Variants in UTP4 observed in about 807,000 individuals in gnomAD.
UTP4 encodes the protein U3 small nucleolar RNA-associated protein 4 homolog.
A neutral mutation model predicts 82.4 loss-of-function variants in UTP4; 45 were observed. That is an observed-to-expected ratio of 0.55 (90% CI 0.43 to 0.70). UTP4 has a LOEUF of 0.70. Among genes scored for constraint, UTP4 ranks in the 30% least tolerant of loss-of-function variants. The probability of loss-of-function intolerance (pLI) is 0.00; values close to 1 mark genes in which losing one functional copy is unlikely to be tolerated. For missense variants in UTP4, 819 were observed against 858.3 expected (o/e 0.95, Z 0.57); for synonymous variants, 348 against 300.3 (o/e 1.16, Z -1.64).
At chr16:69,168,433 C>CTCA (rs1963756060) in intron 16 of UTP4, among the ~76,000 whole-genome samples, 1 of 51,606 alleles carries the variant, frequency 1.9e-5, no homozygotes, top group African/African-American at 7.2e-5. Context: ...GAGACTGTCT[C>CTCA]AAAAAAAAAA....
At chr16:69,162,955 T>C (rs1401164205) in intron 13 of UTP4, 128 bp from the exon 14 acceptor site, 2 of 777,746 alleles carry the variant, frequency 2.6e-6, no homozygotes, top group East Asian at 4.9e-5. Context: ...CCTGAAATTT[T>C]TGGAACTTCC....
At chr16:69,133,169 T>A (rs1427505801) in intron 1 of UTP4, among the ~76,000 whole-genome samples, 2 of 152,104 alleles carry the variant, frequency 1.3e-5, no homozygotes, top group Non-Finnish European at 2.9e-5. Context: ...TGAGGAGAGA[T>A]GCTTGCTAAA....
intron 6 of UTP4, among the ~76,000 whole-genome samples, chr16:69,143,990 C>T (rs537897404): frequency 4.7e-5 from 7 of 150,508 alleles, no homozygotes; most frequent in South Asian, 2.1e-4. Flanking sequence ...CAGGTTCAAG[C>T]GATTCTTCTG....
rs746545988 is a variant in UTP4 at position 69,136,779 on chromosome 16, C to T, written c.243C>T (p.Gly81=). The T allele has an allele frequency of 8.1e-6, 13 of 1,613,794 alleles. No individual in the cohort carries two copies. Among genetic ancestry groups the T allele is most frequent in the South Asian group, 1.1e-5 (1 of 91,052 alleles). Residue 81 remains glycine (G), a synonymous_variant, in exon 3 of 17, where the codon GGC becomes GGT. Coordinates refer to ENST00000314423, the MANE Select transcript of UTP4 (RefSeq NM_032830.3). ...GQRLFSAGLN[G]EIMEYDLQAL... The stretch of plus-strand genomic sequence containing the variant: ...GACTCTTTAGTGCTGGGCTCAATGG[C>T]GAGATTATGGAGTATGATTTACAGG...
chr16:69,149,108 C>T (rs1476506042), intron 6 of UTP4, among the ~76,000 whole-genome samples: 4 of 151,698 alleles, frequency 2.6e-5, no homozygotes, highest in Admixed American at 6.6e-5. Context: ...AGCCTGGGCA[C>T]GGTGACTCAC....
intron 5 of UTP4, among the ~76,000 whole-genome samples, chr16:69,140,917 C>A (rs1567601586): frequency 6.6e-6 from 1 of 152,146 alleles, no homozygotes; most frequent in Non-Finnish European, 1.5e-5. Context: ...CCTCCCGATC[C>A]TCCCAGTATG....
intron 4 of UTP4, 166 bp from the exon 5 acceptor site, chr16:69,139,659 T>TA (rs1186680010): frequency 4.3e-6 from 1 of 233,860 alleles, no homozygotes; most frequent in African/African-American, 2.3e-5. Context: ...AATAAATAAA[T>TA]AAATAAATAA....
intron 5 of UTP4, 58 bp from the exon 6 acceptor site, chr16:69,143,120 A>G: frequency 6.3e-7 from 1 of 1,575,072 alleles, no homozygotes; most frequent in Non-Finnish European, 8.7e-7. Flanking sequence ...GGCCGCAGGC[A>G]GATTTTGAAG....
chr16:69,137,264 A>G (rs1174753222), intron 3 of UTP4, among the ~76,000 whole-genome samples: 1 of 152,214 alleles, frequency 6.6e-6, no homozygotes, highest in East Asian at 1.9e-4. Context: ...AAGAGTTCTG[A>G]GAGTCCCTTC....
intron 6 of UTP4, among the ~76,000 whole-genome samples, chr16:69,144,086 C>G (rs1392245314): frequency 6.6e-6 from 1 of 151,932 alleles, no homozygotes; most frequent in South Asian, 2.1e-4. Context: ...TGGGGTTTCA[C>G]CATGTTGGGC....
At chr16:69,163,943 T>TGGTGCGAA (rs1239599450) in intron 14 of UTP4, among the ~76,000 whole-genome samples, 1 of 147,282 alleles carries the variant, frequency 6.8e-6, no homozygotes, top group African/African-American at 2.6e-5. Context: ...TGGAGTGCAG[T>TGGTGCGAA]GGTGCGATCT....
chr16:69,157,315 G>GAGGGAACCCCCGACA, intron 12 of UTP4, 75 bp downstream of exon 12: 1 of 1,473,664 alleles, frequency 6.8e-7, no homozygotes, highest in Non-Finnish European at 9.3e-7. Flanking sequence ...AAGCCTCCAT[G>GAGGGAACCCCCGACA]TCGGGGGTTC....
chr16:69,165,084 A>G (rs527575850), intron 14 of UTP4, among the ~76,000 whole-genome samples: 120 of 151,866 alleles, frequency 7.9e-4, no homozygotes, highest in South Asian at 6.0e-3. Context: ...AGTCCCAGCT[A>G]TTTGGGAGGC....
rs146390874 is a variant in UTP4, at chr16:69,155,175, T to C, written c.1165-696T>C. Among the ~76,000 whole-genome samples the C allele has an allele frequency of 3.4e-3, 519 of 152,342 alleles. 4 individuals are homozygous for C. Among genetic ancestry groups the C allele is most frequent in the African/African-American group, 0.012 (489 of 41,586 alleles). On this transcript the variant is annotated intron_variant, in intron 10 of 16. Transcript: ENST00000314423. ...TGGTTAGTTGGTTGGTTTTTTTGTTTGTTTGCTTACTTTTTTGAGGCAGGG... is the reference window on the plus strand; with the variant it reads ...TGGTTAGTTGGTTGGTTTTTTTGTTCGTTTGCTTACTTTTTTGAGGCAGGG...
Position 69,146,150 on chromosome 16 carries a change from A to G in UTP4, c.738+2761A>G, listed in dbSNP as rs566009559. On this transcript the variant is annotated intron_variant, in intron 6 of 16. Coordinates refer to ENST00000314423, the MANE Select transcript of UTP4 (RefSeq NM_032830.3). Reference sequence around the variant, plus strand: ...TCCAAACTTTAGTCTTTTTACCATTAGTTTTGTAATTCTCCCCACATTATT... The same window carrying G: ...TCCAAACTTTAGTCTTTTTACCATTGGTTTTGTAATTCTCCCCACATTATT... Among the ~76,000 whole-genome samples, 4 of 151,982 alleles carry G rather than the reference A, an allele frequency of 2.6e-5. No individual in the cohort carries two copies. The South Asian group carries it at 8.3e-4, about 32-fold the overall frequency.
At chr16:69,156,100 C>A in intron 11 of UTP4, 107 bp downstream of exon 11, 2 of 1,103,272 alleles carry the variant, frequency 1.8e-6, no homozygotes, top group Non-Finnish European at 2.7e-6. Flanking sequence ...CAGTTAAAAA[C>A]TATTTGGAGA....
At chr16:69,143,039 G>A (rs1030510424) in intron 5 of UTP4, 139 bp from the exon 6 acceptor site, 17 of 821,614 alleles carry the variant, frequency 2.1e-5, no homozygotes, top group Middle Eastern at 2.4e-4. Context: ...ATGTTGTTTC[G>A]TAGAGATGAG....
chr16:69,133,586 T>C lies in UTP4; in HGVS notation c.127T>C (p.Tyr43His). 1 of 1,614,186 alleles carries C rather than the reference T, an allele frequency of 6.2e-7. No homozygotes were observed. The highest frequency in any genetic ancestry group is 1.1e-5 in the South Asian group (1 of 91,076). The change falls in exon 2 of 17, where the codon TAT (tyrosine) becomes CAT (histidine). Residue 43 changes from tyrosine (Y) to histidine (H), a missense_variant. By Grantham distance (83) the Tyr-to-His change is moderately conservative. Transcript: ENST00000314423. ...ACGAACAGATGGCACTGTGGAAATT[T>C]ATAACTTGTCAGCAAACTACTTTCA... ...VSRTDGTVEI[Y>H]NLSANYFQEK... is the part of the protein sequence containing the mutation.
At position 69,150,885 on chromosome 16, in the gene UTP4, G is replaced by A. The variant is rs762272300; in HGVS notation, c.983G>A (p.Arg328Gln). 19 of 1,613,618 alleles carry A rather than the reference G, an allele frequency of 1.2e-5. No homozygotes were observed. The highest frequency in any genetic ancestry group is 2.2e-5 in the East Asian group (1 of 44,884). The stretch of plus-strand genomic sequence containing the variant: ...GTAAAGAATTACGATGCCGCTCTCC[G>A]AAAAATCACCTTTCCCCACGTAAGT... ...VEVKNYDAAL[R>Q]KITFPHRCLI... Residue 328 changes from arginine (R) to glutamine (Q), a missense_variant, in exon 8 of 17, where the codon CGA (arginine) becomes CAA (glutamine). By Grantham distance (43) the Arg-to-Gln change is conservative. Coordinates refer to ENST00000314423, the MANE Select transcript of UTP4 (RefSeq NM_032830.3).
Sources: gnomAD v4.1 joint callset for allele counts (sites outside exome capture counted in the v4.1 genomes callset) on GRCh38, gnomAD v4.1.1 for gene constraint, MANE v1.5 for transcripts, NCBI Gene and HGNC (gene_info 2026-07-23, HGNC 2026-07-21) for gene names.